LRRC75A: variants seen among roughly 807,000 people sequenced by gnomAD.
LRRC75A encodes the protein leucine rich repeat containing 75A.
A neutral mutation model predicts 26.0 loss-of-function variants in LRRC75A; 12 were observed. The ratio of observed to expected loss-of-function variants is 0.46; its 90% CI spans 0.30 to 0.75. LRRC75A has a LOEUF of 0.75. LRRC75A is among the 30% of genes least tolerant of loss of function. The pLI is 0.08. For missense variants in LRRC75A, 410 were observed against 486.6 expected, an observed-to-expected ratio of 0.84 and a Z score of 1.48; for synonymous variants, 223 against 219.3, an observed-to-expected ratio of 1.02 and a Z score of -0.15.
intron 2 of LRRC75A, among the ~76,000 whole-genome samples, chr17:16,458,259 A>T (rs2093700376): frequency 6.6e-6 from 1 of 152,074 alleles, no homozygotes; most frequent in South Asian, 2.1e-4. Flanking sequence ...GCGAGTCGAG[A>T]TTGCGCCATT....
chr17:16,465,391 C>T (rs1242771947), intron 1 of LRRC75A, among the ~76,000 whole-genome samples: 4 of 152,218 alleles, frequency 2.6e-5, no homozygotes, highest in Non-Finnish European at 4.4e-5. Flanking sequence ...AGATGAACCA[C>T]ACTAGTGGTT....
chr17:16,446,148 A>G (rs2093583358), intron 3 of LRRC75A, among the ~76,000 whole-genome samples: 1 of 152,152 alleles, frequency 6.6e-6, no homozygotes, highest in African/African-American at 2.4e-5. Flanking sequence ...ACTTCAGGTG[A>G]TCCGCCCATC....
chr17:16,451,599 G>C (rs1338132735), intron 2 of LRRC75A, among the ~76,000 whole-genome samples: 3 of 148,484 alleles, frequency 2.0e-5, no homozygotes, highest in African/African-American at 7.5e-5. Context: ...TCCAGCCTGG[G>C]TGACAGAGTG....
chr17:16,466,023 A>G (rs2093765915), intron 1 of LRRC75A, among the ~76,000 whole-genome samples: 1 of 152,252 alleles, frequency 6.6e-6, no homozygotes, highest in Non-Finnish European at 1.5e-5. Flanking sequence ...GCCAAAGGCC[A>G]TGGCACACAT....
chr17:16,491,895 C>A lies in LRRC75A; in HGVS notation c.96G>T (p.Ser32=). The A allele has an allele frequency of 2.3e-6, 3 of 1,324,852 alleles. No homozygotes were observed. Among genetic ancestry groups the A allele is most frequent in the South Asian group, 3.7e-5 (2 of 53,666 alleles). 82.1% of individuals were successfully genotyped at this position (1,324,852 alleles called of 1,614,324 possible). Residue 32 remains serine, a synonymous_variant, in exon 1 of 4, where the codon TCG becomes TCT. Coordinates refer to ENST00000470794, the MANE Select transcript of LRRC75A (RefSeq NM_001113567.3). This position sits in a 1 kb window ranked among gnomAD's most constrained non-coding sequence, Gnocchi z 5.9. ...CCTTGTCCCCGGCGCGCAGCAGCAG[C>A]GACGCCCAGAAGTCCGGCCGTTCGC... is the stretch of plus-strand genomic sequence containing the variant. ...PRRERPDFWA[S]LLLRAGDKAG... is the part of the protein sequence containing the mutation.
intron 2 of LRRC75A, chr17:16,448,290 A>C: frequency 1.6e-4 from 60 of 371,214 alleles, no homozygotes; most frequent in East Asian, 3.4e-4. Flanking sequence ...CCACTCCCCA[A>C]TGTCCAGGGC....
At chr17:16,482,970 A>G (rs2093838098) in intron 1 of LRRC75A, among the ~76,000 whole-genome samples, 1 of 152,196 alleles carries the variant, frequency 6.6e-6, no homozygotes, top group Admixed American at 6.5e-5. Context: ...TGTGGACAGG[A>G]CAGAGGCTGG....
chr17:16,457,817 A>C (rs1017308507), intron 2 of LRRC75A, among the ~76,000 whole-genome samples: 5 of 142,924 alleles, frequency 3.5e-5, no homozygotes, highest in Non-Finnish European at 7.6e-5. Context: ...AAAAAAAAAA[A>C]CAAAAAATTA....
At chr17:16,459,396 G>A (rs2093710132) in intron 2 of LRRC75A, among the ~76,000 whole-genome samples, 1 of 152,186 alleles carries the variant, frequency 6.6e-6, no homozygotes, top group South Asian at 2.1e-4. Flanking sequence ...TCAGGAGAAG[G>A]CAACTCAGAC....
intron 1 of LRRC75A, among the ~76,000 whole-genome samples, chr17:16,470,144 T>C (rs1180068969): frequency 6.6e-6 from 1 of 151,866 alleles, no homozygotes; most frequent in Non-Finnish European, 1.5e-5. Context: ...TCGTCTTAGG[T>C]GTCTTAGGGG....
Position 16,447,920 on chromosome 17 carries a change from T to C in LRRC75A, c.416A>G (p.Gln139Arg). Residue 139 changes from glutamine (Q) to arginine (R), a missense_variant, in exon 3 of 4, where the codon CAG becomes CGG. By Grantham distance (43) the Gln-to-Arg change is conservative. Transcript: ENST00000470794. ...ALGAMEKLCR[Q>R]LTYHLSPHSQ... ...GTGGGGGCTGAGGTGGTATGTCAGC[T>C]GCCGGCACAGCTTCTCCATGGCGCC... 6.4e-7 allele frequency: 1 copy of C among 1,550,992 alleles called. No homozygotes were observed. The highest frequency in any genetic ancestry group is 8.7e-7 in the Non-Finnish European group (1 of 1,146,922).
intron 1 of LRRC75A, among the ~76,000 whole-genome samples, chr17:16,486,652 C>A (rs1406148175): frequency 1.3e-5 from 2 of 152,240 alleles, no homozygotes; most frequent in Non-Finnish European, 2.9e-5. Flanking sequence ...TCGGCAGAGG[C>A]CCCAGACTGC....
At chr17:16,469,152 C>A (rs566684963) in intron 1 of LRRC75A, among the ~76,000 whole-genome samples, 1 of 152,310 alleles carries the variant, frequency 6.6e-6, no homozygotes, top group South Asian at 2.1e-4. Context: ...GTGCATGATA[C>A]ACTTTCATCC....
At chr17:16,485,675 T>C (rs2093845218) in intron 1 of LRRC75A, among the ~76,000 whole-genome samples, 2 of 138,076 alleles carry the variant, frequency 1.4e-5, no homozygotes, top group African/African-American at 5.9e-5. Context: ...TGTGTTCGTG[T>C]GTGTGTGTGT....
chr17:16,447,974 C>T lies in LRRC75A; in HGVS notation c.376-14G>A. ...TGCATCGCCTTCCTGCAGAGGCAAC[C>T]ATGGGTGGTAGGGCCCTGAGTGGCT... On this transcript the variant is annotated splice_polypyrimidine_tract_variant and intron_variant, in intron 2 of 3. Transcript: ENST00000470794. 1 of 1,549,768 alleles carries T rather than the reference C, an allele frequency of 6.5e-7. No homozygotes were observed. Among genetic ancestry groups the T allele is most frequent in the East Asian group, 2.4e-5 (1 of 40,904 alleles).
chr17:16,451,890 G>A (rs149428095), intron 2 of LRRC75A, among the ~76,000 whole-genome samples: 5,311 of 149,956 alleles, frequency 0.035, 313 homozygotes, highest in African/African-American at 0.12. Flanking sequence ...GACTACAGGC[G>A]CCCGCCAACA....
chr17:16,453,360 ACAC>A (rs1237101274), intron 2 of LRRC75A, among the ~76,000 whole-genome samples: 1 of 151,720 alleles, frequency 6.6e-6, no homozygotes, highest in Non-Finnish European at 1.5e-5. Context: ...ACACACACAC[ACAC>A]GAGAACAGAG....
chr17:16,483,616 GC>G (rs1469493369), intron 1 of LRRC75A, among the ~76,000 whole-genome samples: 2 of 152,178 alleles, frequency 1.3e-5, no homozygotes, highest in Non-Finnish European at 2.9e-5. Context: ...GGGTCATTTC[GC>G]CCACCACTCC....
chr17:16,455,416 G>T (rs1354094527), intron 2 of LRRC75A, among the ~76,000 whole-genome samples: 1 of 151,058 alleles, frequency 6.6e-6, no homozygotes, highest in African/African-American at 2.4e-5. Flanking sequence ...GTCTTGCTCT[G>T]TCGCCCGGCT....
Sources: gnomAD v4.1 joint callset for allele counts (sites outside exome capture counted in the v4.1 genomes callset) on GRCh38, gnomAD v4.1.1 for gene constraint, Gnocchi (gnomAD v3.1) non-coding constraint, MANE v1.5 for transcripts, NCBI Gene and HGNC (gene_info 2026-07-23, HGNC 2026-07-21) for gene names.